The following FRY variants were observed in gnomAD, a reference collection of about 807,000 sequenced individuals.
The protein encoded by FRY is protein furry homolog.
Under a neutral mutation model 348.4 loss-of-function variants are expected in FRY, and 128 were observed. That is an observed-to-expected ratio of 0.37 (90% CI 0.32 to 0.43). The LOEUF (loss-of-function observed/expected upper bound fraction) is 0.43, where lower values mean the gene tolerates loss of function less well. Among genes scored for constraint, FRY ranks in the 20% least tolerant of loss-of-function variants. The pLI, the probability that FRY is intolerant of heterozygous loss-of-function variation, is 1.00. For missense variants in FRY, 2,736 were observed against 3,695.2 expected (o/e 0.74, Z 6.73); for synonymous variants, 1,370 against 1,374.7 (o/e 1.00, Z 0.08).
intron 4 of FRY, among the ~76,000 whole-genome samples, chr13:32,120,931 A>G (rs1878611182): frequency 6.6e-6 from 1 of 152,228 alleles, no homozygotes; most frequent in Admixed American, 6.5e-5. Flanking sequence ...AAGTGCTGGG[A>G]TTACAGGCGT....
chr13:32,113,664 C>T (rs1395212422), intron 3 of FRY, among the ~76,000 whole-genome samples: 1 of 152,186 alleles, frequency 6.6e-6, no homozygotes, highest in East Asian at 1.9e-4. Context: ...TGTAAATGGG[C>T]CTGCCCTCTT....
At chr13:32,129,384 T>G (rs946911281) in intron 7 of FRY, among the ~76,000 whole-genome samples, 3 of 152,214 alleles carry the variant, frequency 2.0e-5, no homozygotes, top group African/African-American at 7.2e-5. Context: ...ACCAAATAGA[T>G]TTTTGTAAAT....
intron 57 of FRY, among the ~76,000 whole-genome samples, chr13:32,278,086 G>T (rs1211181674): frequency 6.6e-6 from 1 of 152,190 alleles, no homozygotes; most frequent in Non-Finnish European, 1.5e-5. Context: ...GTCAGGTCAT[G>T]TTGACCAGAA....
rs183419945 is a variant in FRY at position 32,218,611 on chromosome 13, G to A, written c.4683-138G>A. ...GGAGAATTGCTTGAACCTGGAAGGC[G>A]GAGATTGCAGTGAGCCAAGATCGCA... On this transcript the variant is annotated intron_variant, in intron 35 of 60. Transcript: ENST00000542859. The A allele has an allele frequency of 1.0e-4, 64 of 617,894 alleles. No homozygotes were observed. In the East Asian group the frequency reaches 1.5e-3, roughly 15 times the overall value. The allele number at this position is 617,894 out of a possible 1,614,324, so 38.3% of individuals were successfully genotyped here.
In FRY at chr13:32,237,077, A is replaced by G. The variant is rs17077312; in HGVS notation, c.5811-302A>G. On this transcript the variant is annotated intron_variant, in intron 43 of 60. Coordinates refer to ENST00000542859, the MANE Select transcript of FRY (RefSeq NM_023037.3). This position sits in a 1 kb window ranked among gnomAD's most constrained non-coding sequence, Gnocchi z 6.3. ...ATACCTATCAGGTACATTTTATTTC[A>G]TAATTACTCCTACCCAAATTCAAGC... Among the ~76,000 whole-genome samples, 3,267 of 152,232 alleles carry G rather than the reference A, an allele frequency of 0.021. 136 individuals are homozygous for G. The highest frequency in any genetic ancestry group is 0.075 in the African/African-American group (3,123 of 41,532).
chr13:32,149,443 C>T (rs973531683), intron 13 of FRY, among the ~76,000 whole-genome samples: 1 of 122,930 alleles, frequency 8.1e-6, no homozygotes, highest in African/African-American at 3.3e-5. Context: ...CCAGATACCC[C>T]AAGTGTTTGG....
At chr13:32,219,946 G>A (rs1051331165) in intron 36 of FRY, among the ~76,000 whole-genome samples, 2 of 152,136 alleles carry the variant, frequency 1.3e-5, no homozygotes, top group Non-Finnish European at 2.9e-5. Flanking sequence ...AACCAAAAAG[G>A]TCAGTGCATT....
intron 28 of FRY, among the ~76,000 whole-genome samples, chr13:32,189,051 G>A (rs1381609497): frequency 6.6e-6 from 1 of 151,982 alleles, no homozygotes; most frequent in Non-Finnish European, 1.5e-5. Context: ...ACCACTGTGG[G>A]CTTCATCTTC....
At chr13:32,201,327 C>T (rs907292414) in intron 29 of FRY, among the ~76,000 whole-genome samples, 4 of 152,170 alleles carry the variant, frequency 2.6e-5, no homozygotes, top group African/African-American at 9.7e-5. Context: ...CTTCTCTACC[C>T]CCCATCTAAT....
intron 3 of FRY, among the ~76,000 whole-genome samples, chr13:32,109,912 G>T (rs1442031159): frequency 6.6e-6 from 1 of 152,138 alleles, no homozygotes; most frequent in African/African-American, 2.4e-5. Flanking sequence ...CAAAAGAATG[G>T]CTAGAAAAAG....
intron 16 of FRY, among the ~76,000 whole-genome samples, chr13:32,159,124 G>A (rs1293088195): frequency 6.6e-6 from 1 of 151,762 alleles, no homozygotes; most frequent in Non-Finnish European, 1.5e-5. Flanking sequence ...CTTTTTCTAA[G>A]GTTCTTCTTT....
intron 35 of FRY, among the ~76,000 whole-genome samples, chr13:32,214,179 G>A (rs1428408581): frequency 6.6e-6 from 1 of 152,118 alleles, no homozygotes; most frequent in Non-Finnish European, 1.5e-5. Flanking sequence ...AAAGTAGGCT[G>A]TGCCCTCAGC....
At chr13:32,112,427 G>T (rs1878031097) in intron 3 of FRY, among the ~76,000 whole-genome samples, 2 of 152,144 alleles carry the variant, frequency 1.3e-5, no homozygotes, top group South Asian at 4.1e-4. Context: ...ATGGTGGCAT[G>T]CCAAGCTTAT....
chr13:32,096,896 A>AC (rs1325366082), intron 2 of FRY, among the ~76,000 whole-genome samples: 1 of 151,526 alleles, frequency 6.6e-6, no homozygotes, highest in Non-Finnish European at 1.5e-5. Flanking sequence ...TGCAGCATTG[A>AC]CCCCAAGTTC....
At position 32,157,187 on chromosome 13, in the gene FRY, A is replaced by C. The variant is rs1011599300; in HGVS notation, c.1652-86A>C. 5.4e-6 allele frequency: 7 copies of C among 1,287,772 alleles called. No individual in the cohort carries two copies. In the East Asian group the frequency reaches 1.2e-4, roughly 21 times the overall value. 79.8% of individuals were successfully genotyped at this position (1,287,772 alleles called of 1,614,324 possible). Reference sequence around the variant, plus strand: ...GAAGTCATTGACTCATAAGGTCTTCAGTAAAAAATATTATAGAGGATGAAT... The same window carrying C: ...GAAGTCATTGACTCATAAGGTCTTCCGTAAAAAATATTATAGAGGATGAAT... On this transcript the variant is annotated intron_variant, in intron 15 of 60. Coordinates refer to ENST00000542859, the MANE Select transcript of FRY (RefSeq NM_023037.3).
chr13:32,082,311 G>T (rs893960258), intron 2 of FRY, among the ~76,000 whole-genome samples: 18 of 151,148 alleles, frequency 1.2e-4, no homozygotes, highest in African/African-American at 4.4e-4. Flanking sequence ...TTGTTCTGCA[G>T]AATGGCTCTT....
At chr13:32,202,178 AAG>A in intron 30 of FRY, 138 bp downstream of exon 30, 1 of 804,156 alleles carries the variant, frequency 1.2e-6, no homozygotes, top group Non-Finnish European at 2.2e-6. Context: ...AAGAGTGAGA[AAG>A]TAACTATATA....
At chr13:32,178,575 A>T (rs1240118348) in intron 21 of FRY, 139 bp downstream of exon 21, 1 of 1,022,186 alleles carries the variant, frequency 9.8e-7, no homozygotes, top group Non-Finnish European at 1.4e-6. Flanking sequence ...TTGAGTAAAA[A>T]CATTAAAAAA....
intron 35 of FRY, among the ~76,000 whole-genome samples, chr13:32,214,490 T>C (rs1301039814): frequency 1.3e-5 from 2 of 152,230 alleles, no homozygotes; most frequent in East Asian, 1.9e-4. Context: ...ATTGTGTTAG[T>C]GTAGACAGTT....
Sources: allele counts gnomAD v4.1 joint callset (sites outside exome capture counted in the v4.1 genomes callset), GRCh38; gene constraint gnomAD v4.1.1; non-coding constraint Gnocchi (gnomAD v3.1); transcripts MANE v1.5; gene names NCBI Gene and HGNC (gene_info 2026-07-23, HGNC 2026-07-21).